LRRC7: variants seen among roughly 807,000 people sequenced by gnomAD.
LRRC7 encodes leucine rich repeat containing 7.
In LRRC7, 23 loss-of-function variants were observed where a neutral mutation model predicts 175.7. That is an observed-to-expected ratio of 0.13 (90% confidence interval 0.09 to 0.19). LRRC7 has a LOEUF of 0.19. Ranked by LOEUF, LRRC7 falls within the 10% of genes least tolerant of loss-of-function variation. LRRC7 has a pLI of 1.00. For synonymous variants in LRRC7, 685 were observed against 680.9 expected (o/e 1.01, Z -0.09); for missense variants, 1,354 against 1,904.7 (o/e 0.71, Z 5.38).
At chr1:70,046,920 C>T (rs191717959) in intron 22 of LRRC7, among the ~76,000 whole-genome samples, 22 of 152,186 alleles carry the variant, frequency 1.4e-4, no homozygotes, top group African/African-American at 4.6e-4. Flanking sequence ...GCTAACAGGT[C>T]CCATGATTGA....
At chr1:70,074,578 G>A (rs1026843502) in intron 23 of LRRC7, among the ~76,000 whole-genome samples, 4 of 152,168 alleles carry the variant, frequency 2.6e-5, no homozygotes, top group Admixed American at 1.3e-4. Context: ...ACATTGTGCT[G>A]GTATAGGCTG....
intron 7 of LRRC7, among the ~76,000 whole-genome samples, chr1:69,879,212 TAAA>T (rs201332183): frequency 6.3e-4 from 58 of 91,972 alleles, no homozygotes; most frequent in African/African-American, 2.8e-3. Flanking sequence ...AAAACTGCTT[TAAA>T]AAAAAAAAAA....
chr1:70,091,832 A>G (rs533107011), intron 25 of LRRC7, among the ~76,000 whole-genome samples: 1 of 152,310 alleles, frequency 6.6e-6, no homozygotes, highest in South Asian at 2.1e-4. Flanking sequence ...TCCCCTAAAA[A>G]GCACTTTTCT....
chr1:69,605,806 T>TTTTATTTA (rs547891470), intron 1 of LRRC7, among the ~76,000 whole-genome samples: 10 of 152,076 alleles, frequency 6.6e-5, no homozygotes, highest in African/African-American at 2.4e-4. Context: ...GGACATGAGT[T>TTTTATTTA]TTTATTTATT....
intron 2 of LRRC7, among the ~76,000 whole-genome samples, chr1:69,759,707 T>G (rs1670826788): frequency 6.6e-6 from 1 of 152,038 alleles, no homozygotes; most frequent in Admixed American, 6.6e-5. Context: ...ACCGATGAAA[T>G]TTGTGGGCTA....
intron 2 of LRRC7, among the ~76,000 whole-genome samples, chr1:69,753,070 G>C (rs1670013649): frequency 6.6e-6 from 1 of 151,982 alleles, no homozygotes; most frequent in Non-Finnish European, 1.5e-5. Context: ...AGGAAAATGT[G>C]GATATGTACT....
At chr1:69,973,362 C>G (rs190800439) in intron 8 of LRRC7, among the ~76,000 whole-genome samples, 125 of 151,742 alleles carry the variant, frequency 8.2e-4, no homozygotes, top group Middle Eastern at 3.4e-3. Context: ...ATGGGTGCAC[C>G]AAAATCTCAC....
rs1047729327 is a variant in LRRC7, at chr1:70,039,022, T to C, written c.3198T>C (p.Tyr1066=). 1.2e-6 allele frequency: 2 copies of C among 1,613,782 alleles called. No homozygotes were observed. The highest frequency in any genetic ancestry group is 2.2e-5 in the East Asian group (1 of 44,824). ...QQKASMTKKV[Y]QFDQSFNPQG... is the part of the protein sequence containing the mutation. ...AAGCTTCTATGACAAAAAAAGTCTA[T>C]CAGTTTGACCAAAGCTTCAATCCTC... The change falls in exon 21 of 27, where the codon TAT becomes TAC. Residue 1066 remains tyrosine (Y), a synonymous_variant. Transcript: ENST00000651989.
intron 2 of LRRC7, among the ~76,000 whole-genome samples, chr1:69,688,578 C>CATGAAA (rs1661464100): frequency 6.6e-6 from 1 of 151,452 alleles, no homozygotes; most frequent in African/African-American, 2.4e-5. Context: ...CACACATGTG[C>CATGAAA]ATGAAAATTT....
At chr1:69,586,507 G>A (rs2100937399) in intron 1 of LRRC7, among the ~76,000 whole-genome samples, 1 of 152,146 alleles carries the variant, frequency 6.6e-6, no homozygotes, top group East Asian at 1.9e-4. Flanking sequence ...AATGTGGCGG[G>A]GGACAGGATG....
chr1:69,933,261 G>A (rs539603325), intron 8 of LRRC7, among the ~76,000 whole-genome samples: 1 of 152,304 alleles, frequency 6.6e-6, no homozygotes, highest in Admixed American at 6.5e-5. Flanking sequence ...ACCTAGTGTT[G>A]TTACAAAGCA....
chr1:69,857,572 C>T (rs1304425813), intron 7 of LRRC7, among the ~76,000 whole-genome samples: 1 of 152,070 alleles, frequency 6.6e-6, no homozygotes, highest in Non-Finnish European at 1.5e-5. Context: ...AGGACCTCTT[C>T]AAGGAGAACT....
At chr1:70,098,909 C>T (rs1664603908) in intron 25 of LRRC7, among the ~76,000 whole-genome samples, 1 of 152,078 alleles carries the variant, frequency 6.6e-6, no homozygotes, top group Non-Finnish European at 1.5e-5. Context: ...GGAACTGGTA[C>T]CATTCCTTCT....
intron 1 of LRRC7, among the ~76,000 whole-genome samples, chr1:69,625,471 A>G (rs1206232155): frequency 1.4e-5 from 2 of 147,658 alleles, no homozygotes; most frequent in Non-Finnish European, 3.0e-5. Flanking sequence ...ATATTTTATT[A>G]ATTTATTCTA....
intron 2 of LRRC7, among the ~76,000 whole-genome samples, chr1:69,690,343 A>G (rs889224568): frequency 6.6e-6 from 1 of 152,208 alleles, no homozygotes; most frequent in African/African-American, 2.4e-5. Context: ...GTGTTTTCAG[A>G]TCAATGGCCT....
chr1:69,961,570 G>A (rs1447340860), intron 8 of LRRC7, among the ~76,000 whole-genome samples: 1 of 152,158 alleles, frequency 6.6e-6, no homozygotes, highest in East Asian at 1.9e-4. Flanking sequence ...CATGCTACCT[G>A]ACCTTAAACT....
intron 7 of LRRC7, among the ~76,000 whole-genome samples, chr1:69,918,591 G>A (rs907588298): frequency 6.6e-6 from 1 of 152,104 alleles, no homozygotes; most frequent in African/African-American, 2.4e-5. Context: ...GGTAAGTGAA[G>A]ACAGTCAAAC....
chr1:69,981,129 C>T (rs1557954245), intron 9 of LRRC7, among the ~76,000 whole-genome samples: 1 of 151,432 alleles, frequency 6.6e-6, no homozygotes, highest in African/African-American at 2.4e-5. Flanking sequence ...ACACACACAC[C>T]AAGAGAGAGA....
chr1:69,845,929 A>C (rs1682306994), intron 7 of LRRC7, among the ~76,000 whole-genome samples: 1 of 152,020 alleles, frequency 6.6e-6, no homozygotes, highest in Non-Finnish European at 1.5e-5. Flanking sequence ...TTTTTGCTGA[A>C]CCCATGGTAC....
Sources: allele counts gnomAD v4.1 joint callset (sites outside exome capture counted in the v4.1 genomes callset), GRCh38; gene constraint gnomAD v4.1.1; transcripts MANE v1.5; gene names NCBI Gene and HGNC (gene_info 2026-07-23, HGNC 2026-07-21).